HAPLN3: variants seen among roughly 807,000 people sequenced by gnomAD.
HAPLN3 encodes the protein hyaluronan and proteoglycan link protein 3.
HAPLN3 carries 28 observed loss-of-function variants against 28.1 expected under a neutral mutation model. The ratio of observed to expected loss-of-function variants is 1.00; its 90% confidence interval spans 0.74 to 1.37. HAPLN3 has a LOEUF of 1.37. Ranked by LOEUF, HAPLN3 falls within the 40% of genes most tolerant of loss-of-function variation. HAPLN3 has a pLI of 0.00. For missense variants in HAPLN3, 513 were observed against 504.6 expected (o/e 1.02, Z -0.16); for synonymous variants, 211 against 213.1 (o/e 0.99, Z 0.09).
rs909289765 is a variant in HAPLN3, at chr15:88,881,800, T to C, written c.125-75A>G. On this transcript the variant is annotated intron_variant, in intron 2 of 4. Transcript: ENST00000359595. This position sits in a 1 kb window ranked among gnomAD's most constrained non-coding sequence, Gnocchi z 6.0. The stretch of plus-strand genomic sequence containing the variant: ...CCCCTGCAAGGGCCACCGCACACCC[T>C]CATCCACGGCTCCTACAGGCTCAGA... 178 of 1,495,156 alleles carry C rather than the reference T, an allele frequency of 1.2e-4. 1 individual carries two copies. The highest frequency in any genetic ancestry group is 1.0e-4 in the Non-Finnish European group (115 of 1,114,402). The allele number at this position is 1,495,156 out of a possible 1,614,324, so 92.6% of individuals were successfully genotyped here.
chr15:88,892,888 C>A, intron 1 of HAPLN3: 1 of 1,414,240 alleles, frequency 7.1e-7, no homozygotes, highest in Non-Finnish European at 9.5e-7. Context: ...TGCTCCCCTA[C>A]CATGGCTATC....
chr15:88,883,520 A>T (rs1475370456), intron 2 of HAPLN3, among the ~76,000 whole-genome samples: 1 of 152,250 alleles, frequency 6.6e-6, no homozygotes, highest in Non-Finnish European at 1.5e-5. Context: ...AATAAATATG[A>T]AGCAGGGCTA....
chr15:88,881,440 C>T lies in HAPLN3; in HGVS notation c.410G>A (p.Arg137Gln), dbSNP rs200900948. The change falls in exon 3 of 5, where the codon CGG (arginine) becomes CAG (glutamine). Residue 137 changes from arginine to glutamine, a missense_variant. By Grantham distance (43) the Arg-to-Gln change is conservative (BLOSUM62 1). Transcript: ENST00000359595. This position sits in a 1 kb window ranked among gnomAD's most constrained non-coding sequence, Gnocchi z 6.0. ...GCGGTAACGCCCATAGTCCTCCAGCCGCAGATCCTGGATCTCCAGCGAGAC... is the reference window on the plus strand; with the variant it reads ...GCGGTAACGCCCATAGTCCTCCAGCTGCAGATCCTGGATCTCCAGCGAGAC... ...HDVSLEIQDL[R>Q]LEDYGRYRCE... 1.4e-4 allele frequency: 222 copies of T among 1,613,944 alleles called. No homozygotes were observed. The highest frequency in any genetic ancestry group is 1.4e-4 in the Non-Finnish European group (169 of 1,180,048).
At position 88,888,731 on chromosome 15, in the gene HAPLN3, G is replaced by A. The variant is rs1897932637; in HGVS notation, c.-47-1386C>T. Among the ~76,000 whole-genome samples, 1 of 152,172 alleles carries A rather than the reference G, an allele frequency of 6.6e-6. No individual in the cohort carries two copies. Among genetic ancestry groups the A allele is most frequent in the African/African-American group, 2.4e-5 (1 of 41,418 alleles). On this transcript the variant is annotated intron_variant, in intron 1 of 4. Coordinates refer to ENST00000359595, the MANE Select transcript of HAPLN3 (RefSeq NM_178232.4). This position sits in a 1 kb window ranked among gnomAD's most constrained non-coding sequence, Gnocchi z 4.1. ...TCGTGGGCAGGCAGTCTTGATTGCT[G>A]TGTGTTGAGTACCACGATGGAGGTA...
At chr15:88,885,964 G>A (rs1246867076) in intron 2 of HAPLN3, among the ~76,000 whole-genome samples, 1 of 152,202 alleles carries the variant, frequency 6.6e-6, no homozygotes, top group African/African-American at 2.4e-5. Context: ...TCATCTATGA[G>A]AAGGGATGAT....
chr15:88,883,761 T>G (rs1432918433), intron 2 of HAPLN3, among the ~76,000 whole-genome samples: 3 of 152,224 alleles, frequency 2.0e-5, no homozygotes, highest in Non-Finnish European at 4.4e-5. Flanking sequence ...TGGTTTTTGT[T>G]GGAGAAAGTT....
In HAPLN3 at chr15:88,880,488, G is replaced by A. The variant is rs1470664201; in HGVS notation, c.493+869C>T. 12 of 1,261,252 alleles carry A rather than the reference G, an allele frequency of 9.5e-6. No homozygotes were observed. The highest frequency in any genetic ancestry group is 1.5e-5 in the African/African-American group (1 of 65,178). 78.1% of individuals were successfully genotyped at this position (1,261,252 alleles called of 1,614,324 possible). A position where few individuals can be genotyped will look rare whatever the true frequency, so the allele number is the denominator to read the frequency against. On this transcript the variant is annotated intron_variant, in intron 3 of 4. Transcript: ENST00000359595. The surrounding 1 kb of genome is among the most constrained non-coding windows in gnomAD (Gnocchi z 6.0). ...CCTGAGAGGCCCAGGGCTCTAAGGG[G>A]GATGAGGCATTTACCCACATGTCAT...
In HAPLN3 at chr15:88,879,398, A is replaced by C; in HGVS notation, c.494-129T>G. On this transcript the variant is annotated intron_variant, in intron 3 of 4. Coordinates refer to ENST00000359595, the MANE Select transcript of HAPLN3 (RefSeq NM_178232.4). This position sits in a 1 kb window ranked among gnomAD's most constrained non-coding sequence, Gnocchi z 5.0. ...CACACACATACACCATCCCTCAGAA[A>C]AACTCAGCAAACCTCTGACCTCCTG... is the stretch of plus-strand genomic sequence containing the variant. 6.5e-7 allele frequency: 1 copy of C among 1,542,516 alleles called. No individual in the cohort carries two copies. The highest frequency in any genetic ancestry group is 8.7e-7 in the Non-Finnish European group (1 of 1,151,540).
At position 88,877,678 on chromosome 15, in the gene HAPLN3, A is replaced by C; in HGVS notation, c.*292T>G. On this transcript the variant is annotated 3_prime_UTR_variant, in exon 5 of 5. Coordinates refer to ENST00000359595, the MANE Select transcript of HAPLN3 (RefSeq NM_178232.4). The surrounding 1 kb of genome is among the most constrained non-coding windows in gnomAD (Gnocchi z 5.1). ...AGACAGGCCACCGCCCACTCTGGGC[A>C]CCAACCTCCTTAAGGGAGGGAGACC... The C allele has an allele frequency of 2.9e-6, 1 of 348,728 alleles. No homozygotes were observed. The highest frequency in any genetic ancestry group is 5.2e-6 in the Non-Finnish European group (1 of 192,642). The allele number at this position is 348,728 out of a possible 1,614,324, so 21.6% of individuals were successfully genotyped here. A position where few individuals can be genotyped will look rare whatever the true frequency, so the allele number is the denominator to read the frequency against.
In HAPLN3 at chr15:88,892,207, C is replaced by T. The variant is rs150797403; in HGVS notation, c.-48+3252G>A. On this transcript the variant is annotated intron_variant, in intron 1 of 4. Transcript: ENST00000359595. ...GCACAGTGGCTTACACCTGTTATCC[C>T]AGCACTTTGGAGGCCAAGGAGGGTA... Among the ~76,000 whole-genome samples, 24 of 152,226 alleles carry T rather than the reference C, an allele frequency of 1.6e-4. No homozygotes were observed. In the East Asian group the frequency reaches 4.2e-3, roughly 27 times the overall value.
At chr15:88,892,247 A>G (rs535567156) in intron 1 of HAPLN3, among the ~76,000 whole-genome samples, 1 of 152,264 alleles carries the variant, frequency 6.6e-6, no homozygotes, top group Non-Finnish European at 1.5e-5. Flanking sequence ...ACCTGAGGTC[A>G]GGAGTTTGAG....
At chr15:88,882,402 G>A (rs1248567504) in intron 2 of HAPLN3, among the ~76,000 whole-genome samples, 1 of 152,214 alleles carries the variant, frequency 6.6e-6, no homozygotes, top group Non-Finnish European at 1.5e-5. Context: ...GCCCTGATAG[G>A]GATCCGTCGG....
At position 88,881,757 on chromosome 15, in the gene HAPLN3, T is replaced by G; in HGVS notation, c.125-32A>C. 6.3e-7 allele frequency: 1 copy of G among 1,580,224 alleles called. No individual in the cohort carries two copies. The highest frequency in any genetic ancestry group is 1.2e-5 in the South Asian group (1 of 86,016). ...GGAGAGACAGGGTGCAGATGAGACC[T>G]GCTGAAGCACATCTGTACCCCTGCA... On this transcript the variant is annotated intron_variant, in intron 2 of 4. Transcript: ENST00000359595. The surrounding 1 kb of genome is among the most constrained non-coding windows in gnomAD (Gnocchi z 6.0).
chr15:88,881,504 G>C lies in HAPLN3; in HGVS notation c.346C>G (p.Gln116Glu). The C allele has an allele frequency of 6.2e-7, 1 of 1,614,102 alleles. No homozygotes were observed. Among genetic ancestry groups the C allele is most frequent in the Non-Finnish European group, 8.5e-7 (1 of 1,180,042 alleles). The change falls in exon 3 of 5, where the codon CAA becomes GAA. Residue 116 changes from glutamine (Q) to glutamate (E), a missense_variant. By Grantham distance (29) the Gln-to-Glu change is conservative (BLOSUM62 2). Coordinates refer to ENST00000359595, the MANE Select transcript of HAPLN3 (RefSeq NM_178232.4). This position sits in a 1 kb window ranked among gnomAD's most constrained non-coding sequence, Gnocchi z 6.0. ...GLRHRSFGDYQGRVHLRQDKE... is the reference protein window; with the variant it reads ...GLRHRSFGDYEGRVHLRQDKE... ...TCCTGCCGCAGGTGCACGCGGCCTTGGTAGTCCCCAAAGGAGCGGTGCCTC... is the reference window on the plus strand; with the variant it reads ...TCCTGCCGCAGGTGCACGCGGCCTTCGTAGTCCCCAAAGGAGCGGTGCCTC...
At chr15:88,891,500 G>A (rs1898012418) in intron 1 of HAPLN3, among the ~76,000 whole-genome samples, 1 of 151,884 alleles carries the variant, frequency 6.6e-6, no homozygotes, top group Admixed American at 6.6e-5. Context: ...GTTTCACCAT[G>A]TTGCCCAGGC....
At position 88,895,363 on chromosome 15, in the gene HAPLN3, CG is replaced by C. The variant is rs1357463537; in HGVS notation, c.-48+95del. ...TCCTGCCCCTTCCCCGGACCCTGCC[CG>C]GGAGGTGTGGGGACCCGCAGGGCAC... On this transcript the variant is annotated intron_variant, in intron 1 of 4. Coordinates refer to ENST00000359595, the MANE Select transcript of HAPLN3 (RefSeq NM_178232.4). This position sits in a 1 kb window ranked among gnomAD's most constrained non-coding sequence, Gnocchi z 5.5. 1 of 152,502 alleles carries C rather than the reference CG, an allele frequency of 6.6e-6. No homozygotes were observed. Among genetic ancestry groups the C allele is most frequent in the Non-Finnish European group, 1.5e-5 (1 of 68,304 alleles). 9.4% of individuals were successfully genotyped at this position (152,502 alleles called of 1,614,324 possible). A position where few individuals can be genotyped will look rare whatever the true frequency, so the allele number is the denominator to read the frequency against.
chr15:88,894,649 C>G (rs1215107306), intron 1 of HAPLN3, among the ~76,000 whole-genome samples: 2 of 152,198 alleles, frequency 1.3e-5, no homozygotes, highest in Non-Finnish European at 2.9e-5. Flanking sequence ...TCGCTGCCCC[C>G]TACTCCAGGG....
At position 88,877,418 on chromosome 15, in the gene HAPLN3, G is replaced by A. The variant is rs1897552805; in HGVS notation, c.*552C>T. On this transcript the variant is annotated 3_prime_UTR_variant, in exon 5 of 5. Coordinates refer to ENST00000359595, the MANE Select transcript of HAPLN3 (RefSeq NM_178232.4). This position sits in a 1 kb window ranked among gnomAD's most constrained non-coding sequence, Gnocchi z 5.1. ...AGATTCTTTGGAACCGAGAGGGGAA[G>A]GGGAACGGGGAGGGGAGTTTCTTCC... 6.5e-6 allele frequency: 1 copy of A among 153,242 alleles called. No homozygotes were observed. The highest frequency in any genetic ancestry group is 2.1e-4 in the South Asian group (1 of 4,856). The allele number at this position is 153,242 out of a possible 1,614,324, so 9.5% of individuals were successfully genotyped here. A position where few individuals can be genotyped will look rare whatever the true frequency, so the allele number is the denominator to read the frequency against.
chr15:88,889,485 G>A (rs746230778), intron 1 of HAPLN3, among the ~76,000 whole-genome samples: 2 of 152,164 alleles, frequency 1.3e-5, no homozygotes, highest in Admixed American at 6.5e-5. Flanking sequence ...ACAGGCATGC[G>A]CCAACATGCC....
Sources: gnomAD v4.1 joint callset for allele counts (sites outside exome capture counted in the v4.1 genomes callset) on GRCh38, gnomAD v4.1.1 for gene constraint, Gnocchi (gnomAD v3.1) non-coding constraint, MANE v1.5 for transcripts, NCBI Gene and HGNC (gene_info 2026-07-23, HGNC 2026-07-21) for gene names.